Variants in SEMA6D observed in about 807,000 individuals in gnomAD.
SEMA6D encodes the protein semaphorin-6D.
Under a neutral mutation model 106.6 loss-of-function variants are expected in SEMA6D, and 35 were observed. That is an observed-to-expected ratio of 0.33 (90% CI 0.25 to 0.44). The LOEUF (loss-of-function observed/expected upper bound fraction) is 0.44, where lower values mean the gene tolerates loss of function less well. Ranked by LOEUF, SEMA6D falls within the 20% of genes least tolerant of loss-of-function variation. The pLI is 1.00. For missense variants in SEMA6D, 1,185 were observed against 1,345.9 expected (o/e 0.88, Z 1.87); for synonymous variants, 499 against 487.7 (o/e 1.02, Z -0.31).
At chr15:47,582,386 C>A (rs932228425) in intron 3 of SEMA6D, among the ~76,000 whole-genome samples, 1 of 152,148 alleles carries the variant, frequency 6.6e-6, no homozygotes, top group Non-Finnish European at 1.5e-5. Flanking sequence ...GACACTTGTT[C>A]TTTATCAAAG....
chr15:47,757,776 C>T, intron 1 of SEMA6D, among the ~76,000 whole-genome samples: 1 of 152,056 alleles, frequency 6.6e-6, no homozygotes, highest in East Asian at 1.9e-4. Flanking sequence ...TATCTTTTCC[C>T]CAGGCCCTTA....
intron 4 of SEMA6D, among the ~76,000 whole-genome samples, chr15:47,615,794 G>T (rs982524391): frequency 6.6e-6 from 1 of 152,176 alleles, no homozygotes; most frequent in Non-Finnish European, 1.5e-5. Flanking sequence ...GTCTCTTTGC[G>T]AAAGCATTTG....
At chr15:47,327,891 A>G (rs547606075) in intron 1 of SEMA6D, among the ~76,000 whole-genome samples, 46 of 152,216 alleles carry the variant, frequency 3.0e-4, no homozygotes, top group Non-Finnish European at 4.9e-4. Flanking sequence ...TGCCAGGATC[A>G]AGGTACTATT....
intron 4 of SEMA6D, among the ~76,000 whole-genome samples, chr15:47,691,625 A>T (rs1354978225): frequency 6.6e-6 from 1 of 152,224 alleles, no homozygotes; most frequent in Non-Finnish European, 1.5e-5. Context: ...ATGTAAGGCC[A>T]GACCAATAGT....
chr15:47,746,281 C>T (rs1014888426), intron 1 of SEMA6D, among the ~76,000 whole-genome samples: 2 of 152,184 alleles, frequency 1.3e-5, no homozygotes, highest in African/African-American at 4.8e-5. Context: ...AATATCAAAC[C>T]TGAAGATGTG....
chr15:47,711,957 G>A (rs978470969), intron 4 of SEMA6D, among the ~76,000 whole-genome samples: 6 of 152,172 alleles, frequency 3.9e-5, no homozygotes, highest in Non-Finnish European at 5.9e-5. Context: ...GGGGGAAGAT[G>A]AGGAGCATGT....
chr15:47,522,519 A>T (rs1596232390), intron 3 of SEMA6D, among the ~76,000 whole-genome samples: 1 of 152,296 alleles, frequency 6.6e-6, no homozygotes, highest in East Asian at 1.9e-4. Context: ...ACTGAATGAG[A>T]AATAAATTAA....
chr15:47,341,522 A>G (rs957205426), intron 1 of SEMA6D, among the ~76,000 whole-genome samples: 1 of 152,194 alleles, frequency 6.6e-6, no homozygotes, highest in African/African-American at 2.4e-5. Flanking sequence ...GAGCAATTGT[A>G]TGATTGTGGA....
intron 1 of SEMA6D, among the ~76,000 whole-genome samples, chr15:47,385,940 CACTA>C (rs1359658595): frequency 6.6e-6 from 1 of 152,178 alleles, no homozygotes; most frequent in Admixed American, 6.5e-5. Context: ...TAAGTTTTAA[CACTA>C]ACTAGTTGTG....
intron 1 of SEMA6D, among the ~76,000 whole-genome samples, chr15:47,252,549 C>T (rs980650549): frequency 3.3e-5 from 5 of 152,156 alleles, no homozygotes; most frequent in Non-Finnish European, 5.9e-5. Flanking sequence ...CTTTACTCCC[C>T]TCTCCACCCC....
intron 1 of SEMA6D, among the ~76,000 whole-genome samples, chr15:47,327,097 G>A (rs2037161707): frequency 6.6e-6 from 1 of 152,118 alleles, no homozygotes; most frequent in Non-Finnish European, 1.5e-5. Context: ...ACTACTGTGT[G>A]GATACCCTGC....
At chr15:47,742,659 T>C (rs1199753718) in intron 1 of SEMA6D, among the ~76,000 whole-genome samples, 1 of 152,184 alleles carries the variant, frequency 6.6e-6, no homozygotes, top group Non-Finnish European at 1.5e-5. Context: ...TTTCAGTGCA[T>C]ATGACATGAA....
intron 1 of SEMA6D, among the ~76,000 whole-genome samples, chr15:47,373,535 T>A (rs2039349034): frequency 6.6e-6 from 1 of 152,144 alleles, no homozygotes; most frequent in Non-Finnish European, 1.5e-5. Flanking sequence ...TTGTAGAGGA[T>A]GAGAAAGTGA....
intron 3 of SEMA6D, among the ~76,000 whole-genome samples, chr15:47,499,211 A>G (rs1164816537): frequency 6.6e-6 from 1 of 152,126 alleles, no homozygotes; most frequent in African/African-American, 2.4e-5. Flanking sequence ...TGGGATGGAG[A>G]ACAAGACTGA....
At chr15:47,460,937 G>A (rs559004931) in intron 2 of SEMA6D, among the ~76,000 whole-genome samples, 1 of 152,080 alleles carries the variant, frequency 6.6e-6, no homozygotes, top group Non-Finnish European at 1.5e-5. Context: ...CAGGCATGCT[G>A]GGTCCTGTCT....
At chr15:47,415,584 T>TC (rs1284570831) in intron 2 of SEMA6D, among the ~76,000 whole-genome samples, 1 of 152,110 alleles carries the variant, frequency 6.6e-6, no homozygotes, top group Non-Finnish European at 1.5e-5. Flanking sequence ...CAATCCAGGT[T>TC]TTTTTTAGCT....
intron 1 of SEMA6D, among the ~76,000 whole-genome samples, chr15:47,311,277 T>C (rs17287118): frequency 0.43 from 66,041 of 152,070 alleles, 16,673 homozygotes; most frequent in Non-Finnish European, 0.56. Context: ...TACACTCAAA[T>C]TGAGACCCTT....
intron 1 of SEMA6D, among the ~76,000 whole-genome samples, chr15:47,246,933 G>A (rs1039807827): frequency 6.6e-6 from 1 of 152,126 alleles, no homozygotes; most frequent in Admixed American, 6.5e-5. Flanking sequence ...GCCAAATGAC[G>A]AATAGCCAGC....
intron 4 of SEMA6D, among the ~76,000 whole-genome samples, chr15:47,684,095 C>T (rs914462247): frequency 7.2e-5 from 11 of 152,098 alleles, no homozygotes; most frequent in Non-Finnish European, 1.2e-4. Flanking sequence ...GCATTATAAG[C>T]CCCATTTGCC....
Sources: allele counts gnomAD v4.1 joint callset (sites outside exome capture counted in the v4.1 genomes callset), GRCh38; gene constraint gnomAD v4.1.1; transcripts MANE v1.5; gene names NCBI Gene and HGNC (gene_info 2026-07-23, HGNC 2026-07-21).